Variants in DLGAP1 observed in about 807,000 individuals in gnomAD.
DLGAP1 encodes DLG associated protein 1.
Under a neutral mutation model 90.8 loss-of-function variants are expected in DLGAP1, and 11 were observed. The observed-to-expected ratio is 0.12, with a 90% confidence interval of 0.08 to 0.20. The LOEUF is 0.20. DLGAP1 is among the 10% of genes least tolerant of loss of function. DLGAP1 has a pLI of 1.00. For synonymous variants in DLGAP1, 558 were observed against 540.7 expected (o/e 1.03, Z -0.44); for missense variants, 1,050 against 1,333.8 (o/e 0.79, Z 3.31).
chr18:4,154,543 C>T (rs544711242), intron 1 of DLGAP1, among the ~76,000 whole-genome samples: 32 of 152,040 alleles, frequency 2.1e-4, no homozygotes, highest in Admixed American at 5.2e-4. Flanking sequence ...GCTGAGAGTG[C>T]GGAGAAGGAA....
intron 1 of DLGAP1, among the ~76,000 whole-genome samples, chr18:4,161,488 T>C (rs1365211434): frequency 2.0e-5 from 3 of 152,212 alleles, no homozygotes; most frequent in Non-Finnish European, 4.4e-5. Flanking sequence ...TTATCCAGTC[T>C]ACCATTGATG....
chr18:3,586,619 C>T (rs370307871), intron 7 of DLGAP1, among the ~76,000 whole-genome samples: 68 of 152,040 alleles, frequency 4.5e-4, no homozygotes, highest in African/African-American at 1.6e-3. Flanking sequence ...CCACCATGCC[C>T]GGCTTAAGAT....
At chr18:3,957,688 T>TA (rs2073109886) in intron 3 of DLGAP1, among the ~76,000 whole-genome samples, 1 of 152,184 alleles carries the variant, frequency 6.6e-6, no homozygotes, top group Admixed American at 6.5e-5. Context: ...CTAAATAATT[T>TA]AAAATCATTG....
chr18:3,839,916 G>T (rs2068619726), intron 4 of DLGAP1, among the ~76,000 whole-genome samples: 1 of 152,156 alleles, frequency 6.6e-6, no homozygotes, highest in Non-Finnish European at 1.5e-5. Flanking sequence ...CAGACACCCT[G>T]GCTGTCAGCC....
At chr18:4,347,878 A>G (rs2081328363) in intron 1 of DLGAP1, among the ~76,000 whole-genome samples, 1 of 150,934 alleles carries the variant, frequency 6.6e-6, no homozygotes, top group Admixed American at 6.7e-5. Context: ...ATCCCTACTT[A>G]TAGATGATAT....
At chr18:4,184,657 C>A (rs1260706344) in intron 1 of DLGAP1, among the ~76,000 whole-genome samples, 1 of 152,100 alleles carries the variant, frequency 6.6e-6, no homozygotes, top group African/African-American at 2.4e-5. Context: ...GCCAACATCA[C>A]CCTGCCTTTC....
chr18:3,612,078 T>C (rs2057661888), intron 7 of DLGAP1, among the ~76,000 whole-genome samples: 1 of 152,246 alleles, frequency 6.6e-6, no homozygotes, highest in African/African-American at 2.4e-5. Context: ...GTATGATGTT[T>C]AAGAATATGG....
intron 1 of DLGAP1, among the ~76,000 whole-genome samples, chr18:4,419,696 G>A (rs1439557221): frequency 6.6e-6 from 1 of 151,960 alleles, no homozygotes; most frequent in Non-Finnish European, 1.5e-5. Context: ...TGCATGCAGT[G>A]GGATTATAAT....
chr18:3,583,397 T>C (rs1478887775), intron 7 of DLGAP1, among the ~76,000 whole-genome samples: 1 of 152,036 alleles, frequency 6.6e-6, no homozygotes. Flanking sequence ...TCCTCCTCTC[T>C]GTCTTCCTTC....
chr18:4,195,473 T>C (rs1216976123), intron 1 of DLGAP1, among the ~76,000 whole-genome samples: 2 of 152,226 alleles, frequency 1.3e-5, no homozygotes, highest in African/African-American at 4.8e-5. Flanking sequence ...GAAATTTGCA[T>C]GCTACTCAAA....
chr18:3,763,954 G>GC (rs2064095975), intron 5 of DLGAP1, among the ~76,000 whole-genome samples: 1 of 152,120 alleles, frequency 6.6e-6, no homozygotes, highest in Admixed American at 6.5e-5. Flanking sequence ...GCAGCACTGC[G>GC]CCTGGCCTAT....
chr18:4,410,072 G>C (rs780832485), intron 1 of DLGAP1, among the ~76,000 whole-genome samples: 1 of 152,256 alleles, frequency 6.6e-6, no homozygotes, highest in African/African-American at 2.4e-5. Flanking sequence ...AACCAAACAT[G>C]GTATGTTCTC....
chr18:4,415,522 C>T (rs67439937), intron 1 of DLGAP1, among the ~76,000 whole-genome samples: 5,969 of 152,238 alleles, frequency 0.039, 149 homozygotes, highest in Non-Finnish European at 0.065. Flanking sequence ...ATTCCTCATA[C>T]TGAATTGCCT....
At chr18:3,900,681 G>A (rs527968801) in intron 3 of DLGAP1, among the ~76,000 whole-genome samples, 1 of 152,272 alleles carries the variant, frequency 6.6e-6, no homozygotes, top group African/African-American at 2.4e-5. Flanking sequence ...TTGGGATGCA[G>A]GAGGAATCAC....
At position 3,630,851 on chromosome 18, in the gene DLGAP1, G is replaced by C. The variant is rs4065375; in HGVS notation, c.1592-48603C>G. On this transcript the variant is annotated intron_variant, in intron 7 of 12. Coordinates refer to ENST00000315677, the MANE Select transcript of DLGAP1 (RefSeq NM_004746.4). ...GTATCTTGGCTGTATGTGGCACTTT[G>C]CAAAAACTAAAACACAACAACAACA... Among the ~76,000 whole-genome samples, 1,251 of 152,198 alleles carry C rather than the reference G, an allele frequency of 8.2e-3. 58 individuals carry two copies. The highest frequency in any genetic ancestry group is 0.055 in the Admixed American group (844 of 15,290).
At chr18:4,197,088 G>A (rs1248553705) in intron 1 of DLGAP1, among the ~76,000 whole-genome samples, 3 of 150,362 alleles carry the variant, frequency 2.0e-5, no homozygotes, top group Non-Finnish European at 4.4e-5. Context: ...CAGGAGAATT[G>A]CTTGAACCTG....
chr18:3,903,268 T>G (rs189428101), intron 3 of DLGAP1, among the ~76,000 whole-genome samples: 64 of 152,230 alleles, frequency 4.2e-4, no homozygotes, highest in African/African-American at 1.5e-3. Flanking sequence ...GCAAACCCAG[T>G]AGAAAGTGAA....
At chr18:3,987,236 A>T (rs755634767) in intron 3 of DLGAP1, among the ~76,000 whole-genome samples, 3 of 152,134 alleles carry the variant, frequency 2.0e-5, no homozygotes, top group Non-Finnish European at 4.4e-5. Context: ...GAGATTGCTA[A>T]TAGATAGAAA....
rs1464009046 is a variant in DLGAP1 at position 3,728,313 on chromosome 18, TATATATATATATATAC to T, written c.1591+806_1591+821del. On this transcript the variant is annotated intron_variant, in intron 7 of 12. Transcript: ENST00000315677. ...GGAACGCAAATGTTATATATATATA[TATATATATATATATAC>T]ATGTTTCATATGCACGCATTGTCAT... 3.5e-3 allele frequency among the ~76,000 whole-genome samples: 447 copies of T among 129,124 alleles called. 6 individuals carry two copies. Among genetic ancestry groups the T allele is most frequent in the African/African-American group, 0.015 (426 of 28,564 alleles). 84.7% of individuals were successfully genotyped at this position (129,124 alleles called of 152,430 possible). A position where few individuals can be genotyped will look rare whatever the true frequency, so the allele number is the denominator to read the frequency against.
Sources: gnomAD v4.1 joint callset for allele counts (sites outside exome capture counted in the v4.1 genomes callset) on GRCh38, gnomAD v4.1.1 for gene constraint, MANE v1.5 for transcripts, NCBI Gene and HGNC (gene_info 2026-07-23, HGNC 2026-07-21) for gene names.